The following CHST8 variants were observed in gnomAD, a reference collection of about 807,000 sequenced individuals.
CHST8 encodes GALNAC-4-ST1.
A neutral mutation model predicts 15.0 loss-of-function variants in CHST8; 10 were observed. The ratio of observed to expected loss-of-function variants is 0.67; its 90% CI spans 0.41 to 1.13. The LOEUF (loss-of-function observed/expected upper bound fraction) is 1.13, where lower values mean the gene tolerates loss of function less well. Among genes scored for constraint, CHST8 ranks in the 50% most tolerant of loss-of-function variants. CHST8 has a pLI of 0.00. For missense variants in CHST8, 634 were observed against 608.2 expected (o/e 1.04, Z -0.45); for synonymous variants, 259 against 256.6 (o/e 1.01, Z -0.09).
intron 2 of CHST8, among the ~76,000 whole-genome samples, chr19:33,677,306 C>G (rs1176239807): frequency 6.6e-6 from 1 of 152,178 alleles, no homozygotes; most frequent in African/African-American, 2.4e-5. Flanking sequence ...GTACAGGGAT[C>G]ATAATGGTTT....
chr19:33,726,325 C>T (rs1973897831), intron 3 of CHST8, among the ~76,000 whole-genome samples: 1 of 152,198 alleles, frequency 6.6e-6, no homozygotes, highest in African/African-American at 2.4e-5. Flanking sequence ...CTGTGGGAAG[C>T]TGAGGTGGGA....
At chr19:33,759,028 C>T (rs150970579) in intron 3 of CHST8, among the ~76,000 whole-genome samples, 3,139 of 152,178 alleles carry the variant, frequency 0.021, 51 homozygotes, top group East Asian at 0.028. Context: ...TGGGGGCAGG[C>T]GGTGCCACAC....
intron 3 of CHST8, among the ~76,000 whole-genome samples, chr19:33,706,260 G>A (rs374638735): frequency 3.3e-5 from 5 of 152,298 alleles, no homozygotes; most frequent in Middle Eastern, 3.4e-3. Context: ...CTGTCAGGGC[G>A]TGCTTCATTC....
At chr19:33,676,938 A>C (rs752981919) in intron 2 of CHST8, among the ~76,000 whole-genome samples, 2 of 152,130 alleles carry the variant, frequency 1.3e-5, no homozygotes, top group Non-Finnish European at 2.9e-5. Context: ...GAAGGTCTTG[A>C]TCTGCTACCA....
At chr19:33,710,387 T>C (rs1161971667) in intron 3 of CHST8, among the ~76,000 whole-genome samples, 3 of 152,222 alleles carry the variant, frequency 2.0e-5, no homozygotes, top group Admixed American at 1.3e-4. Context: ...TTCCTCTCTT[T>C]TGTTTGCTTT....
At chr19:33,700,852 A>C (rs1455884156) in intron 3 of CHST8, among the ~76,000 whole-genome samples, 2 of 152,162 alleles carry the variant, frequency 1.3e-5, no homozygotes, top group Non-Finnish European at 2.9e-5. Flanking sequence ...TGGTTCACAT[A>C]GATTGCAGTG....
intron 1 of CHST8, among the ~76,000 whole-genome samples, chr19:33,639,452 C>A (rs1972249273): frequency 6.6e-6 from 1 of 152,148 alleles, no homozygotes; most frequent in Admixed American, 6.5e-5. Flanking sequence ...AGCCTTGTAA[C>A]CATAACAGGT....
chr19:33,669,751 G>T (rs1046289402), intron 2 of CHST8, among the ~76,000 whole-genome samples: 1 of 152,164 alleles, frequency 6.6e-6, no homozygotes, highest in African/African-American at 2.4e-5. Context: ...AGGGTGGCAG[G>T]CTTCAAGTTT....
rs117704949 is a variant in CHST8, at chr19:33,690,826, A to G, written c.130+1435A>G. Reference sequence around the variant, plus strand: ...CAGGGCCCCTCGGGACAGCGCCACCAGGGCAGACAGCGAGCTGGTACCTAA... The same window carrying G: ...CAGGGCCCCTCGGGACAGCGCCACCGGGGCAGACAGCGAGCTGGTACCTAA... On this transcript the variant is annotated intron_variant, in intron 3 of 4. Transcript: ENST00000650847. Among the ~76,000 whole-genome samples the G allele has an allele frequency of 2.2e-4, 34 of 152,354 alleles. 1 individual carries two copies. In the East Asian group the frequency reaches 5.8e-3, roughly 26 times the overall value.
intron 3 of CHST8, among the ~76,000 whole-genome samples, chr19:33,701,567 T>C (rs1024523694): frequency 1.8e-4 from 27 of 151,742 alleles, no homozygotes; most frequent in African/African-American, 6.5e-4. Context: ...CCAATAAGAG[T>C]GAGACTTATG....
chr19:33,711,595 GT>G (rs2145294456), intron 3 of CHST8, among the ~76,000 whole-genome samples: 1 of 152,300 alleles, frequency 6.6e-6, no homozygotes, highest in South Asian at 2.1e-4. Flanking sequence ...AGAAGTAGTA[GT>G]AAGGAAATAA....
intron 3 of CHST8, among the ~76,000 whole-genome samples, chr19:33,739,199 G>A (rs1974140721): frequency 6.6e-6 from 1 of 152,106 alleles, no homozygotes; most frequent in South Asian, 2.1e-4. Context: ...TTTCAGCCAG[G>A]ATGGAATCCC....
At chr19:33,652,629 G>A (rs1031366708) in intron 1 of CHST8, among the ~76,000 whole-genome samples, 1 of 151,980 alleles carries the variant, frequency 6.6e-6, no homozygotes, top group African/African-American at 2.4e-5. Flanking sequence ...GCCCACCTCA[G>A]CTTCCCAAAG....
intron 3 of CHST8, among the ~76,000 whole-genome samples, chr19:33,690,511 C>T (rs1379605364): frequency 6.6e-6 from 1 of 152,294 alleles, no homozygotes; most frequent in East Asian, 1.9e-4. Flanking sequence ...CACAAGGAGG[C>T]CAGAGCTGGG....
intron 3 of CHST8, among the ~76,000 whole-genome samples, chr19:33,765,363 G>A (rs749272594): frequency 1.3e-5 from 2 of 152,010 alleles, no homozygotes; most frequent in African/African-American, 2.4e-5. Context: ...AACTGTGAGA[G>A]AACACATTTT....
At chr19:33,765,761 A>G (rs79413305) in intron 3 of CHST8, among the ~76,000 whole-genome samples, 2 of 152,042 alleles carry the variant, frequency 1.3e-5, no homozygotes, top group Non-Finnish European at 2.9e-5. Flanking sequence ...AGGTTTCACC[A>G]TGTTGGCCAG....
chr19:33,760,493 A>AT (rs142953366), intron 3 of CHST8, among the ~76,000 whole-genome samples: 8,802 of 148,230 alleles, frequency 0.059, 855 homozygotes, highest in African/African-American at 0.21. Context: ...TAATTTTTTC[A>AT]TTTTTTTTTA....
At chr19:33,626,459 T>C (rs1972054684) in intron 1 of CHST8, among the ~76,000 whole-genome samples, 1 of 152,174 alleles carries the variant, frequency 6.6e-6, no homozygotes, top group Non-Finnish European at 1.5e-5. Flanking sequence ...GTTTGTCCCC[T>C]GTGAATCTTA....
chr19:33,643,334 A>G (rs1972307755), intron 1 of CHST8, among the ~76,000 whole-genome samples: 1 of 152,240 alleles, frequency 6.6e-6, no homozygotes, highest in South Asian at 2.1e-4. Context: ...TACCAAAGTC[A>G]TGCATGTGCA....
Sources: gnomAD v4.1 joint callset for allele counts (sites outside exome capture counted in the v4.1 genomes callset) on GRCh38, gnomAD v4.1.1 for gene constraint, MANE v1.5 for transcripts, NCBI Gene and HGNC (gene_info 2026-07-23, HGNC 2026-07-21) for gene names.